The following PTPRT variants were observed in gnomAD, a reference collection of about 807,000 sequenced individuals.
The protein encoded by PTPRT is receptor-type tyrosine-protein phosphatase T.
Under a neutral mutation model 176.8 loss-of-function variants are expected in PTPRT, and 56 were observed. That is an observed-to-expected ratio of 0.32 (90% CI 0.26 to 0.40). The LOEUF is 0.40. Ranked by LOEUF, PTPRT falls within the 10% of genes least tolerant of loss-of-function variation. PTPRT has a pLI of 1.00. For missense variants in PTPRT, 1,540 were observed against 1,908.2 expected, an observed-to-expected ratio of 0.81 and a Z score of 3.60; for synonymous variants, 783 against 739.0, an observed-to-expected ratio of 1.06 and a Z score of -0.96.
chr20:42,232,293 T>C (rs1365301565), intron 15 of PTPRT, among the ~76,000 whole-genome samples: 3 of 152,218 alleles, frequency 2.0e-5, no homozygotes, highest in South Asian at 2.1e-4. Flanking sequence ...CTGATACCTA[T>C]GAGGAGGGTA....
At chr20:42,586,577 G>C (rs372737336) in intron 7 of PTPRT, among the ~76,000 whole-genome samples, 5 of 152,222 alleles carry the variant, frequency 3.3e-5, no homozygotes, top group African/African-American at 1.2e-4. Context: ...CTCAACATGT[G>C]ATCCAGATAA....
At chr20:42,996,288 C>A (rs1489117363) in intron 1 of PTPRT, among the ~76,000 whole-genome samples, 1 of 152,162 alleles carries the variant, frequency 6.6e-6, no homozygotes, top group Non-Finnish European at 1.5e-5. Context: ...AGCTGAAGTA[C>A]CCACATGTTA....
intron 16 of PTPRT, among the ~76,000 whole-genome samples, chr20:42,190,112 A>AG (rs1990937218): frequency 6.7e-6 from 1 of 149,236 alleles, no homozygotes; most frequent in African/African-American, 2.5e-5. Flanking sequence ...ATAAAACTGG[A>AG]GGGGGCAAGC....
intron 12 of PTPRT, among the ~76,000 whole-genome samples, chr20:42,292,512 CA>C (rs1185086106): frequency 1.3e-5 from 2 of 152,032 alleles, no homozygotes; most frequent in African/African-American, 4.8e-5. Context: ...GTGGATACGA[CA>C]ATGTCCATTT....
In PTPRT at chr20:42,169,724, G is replaced by A. The variant is rs556092779; in HGVS notation, c.2492-8182C>T. Among the ~76,000 whole-genome samples, 7 of 143,574 alleles carry A rather than the reference G, an allele frequency of 4.9e-5. No homozygotes were observed. The South Asian group carries it at 1.1e-3, about 23-fold the overall frequency. The allele number at this position is 143,574 out of a possible 152,430, so 94.2% of individuals were successfully genotyped here. A position where few individuals can be genotyped will look rare whatever the true frequency, so the allele number is the denominator to read the frequency against. ...TAAGGAAAGTGATAGCCTGGATACC[G>A]TGAAAAGTACAATTTTCAAACACAC... On this transcript the variant is annotated intron_variant, in intron 16 of 30. Transcript: ENST00000373187.
chr20:43,165,828 A>T (rs1425714596), intron 1 of PTPRT, among the ~76,000 whole-genome samples: 1 of 152,186 alleles, frequency 6.6e-6, no homozygotes, highest in Non-Finnish European at 1.5e-5. Context: ...CTTGAAAAAA[A>T]TGTGTCAACA....
intron 27 of PTPRT, among the ~76,000 whole-genome samples, chr20:42,086,368 T>C (rs370521044): frequency 8.5e-5 from 13 of 152,174 alleles, no homozygotes; most frequent in African/African-American, 2.7e-4. Context: ...ATATCAAGGC[T>C]TTGAGCACAG....
intron 13 of PTPRT, among the ~76,000 whole-genome samples, chr20:42,265,716 T>C (rs556390844): frequency 6.6e-6 from 1 of 152,196 alleles, no homozygotes; most frequent in East Asian, 1.9e-4. Flanking sequence ...GGGCACATGC[T>C]CCCTTGGAGG....
intron 15 of PTPRT, among the ~76,000 whole-genome samples, chr20:42,230,487 A>G (rs6030072): frequency 0.42 from 63,973 of 152,062 alleles, 13,680 homozygotes; most frequent in African/African-American, 0.48. Context: ...AACACTGAAC[A>G]ACTGAAGTTG....
intron 9 of PTPRT, among the ~76,000 whole-genome samples, chr20:42,390,748 C>T (rs1763492606): frequency 6.6e-6 from 1 of 152,070 alleles, no homozygotes; most frequent in African/African-American, 2.4e-5. Flanking sequence ...TAAGAGAGAC[C>T]CTGGGCCAGA....
intron 12 of PTPRT, among the ~76,000 whole-genome samples, chr20:42,295,572 T>A (rs2145284333): frequency 6.6e-6 from 1 of 152,148 alleles, no homozygotes; most frequent in Non-Finnish European, 1.5e-5. Context: ...AGGGGTTGGA[T>A]GAAAGTAGGA....
intron 2 of PTPRT, among the ~76,000 whole-genome samples, chr20:42,864,247 G>A (rs964344058): frequency 2.6e-5 from 4 of 152,134 alleles, no homozygotes; most frequent in Admixed American, 1.3e-4. Flanking sequence ...CAATATAAGG[G>A]GCCTCAGGTC....
chr20:42,229,182 T>C (rs1414179788), intron 15 of PTPRT, among the ~76,000 whole-genome samples: 1 of 152,106 alleles, frequency 6.6e-6, no homozygotes, highest in Admixed American at 6.6e-5. Flanking sequence ...AAAATAAGAA[T>C]CTGAGATACT....
intron 1 of PTPRT, among the ~76,000 whole-genome samples, chr20:43,009,315 A>T (rs1184117062): frequency 6.6e-6 from 1 of 152,180 alleles, no homozygotes; most frequent in African/African-American, 2.4e-5. Context: ...GCCCTGTGAG[A>T]GAATCTGAAA....
chr20:42,828,737 T>C (rs955158715), intron 2 of PTPRT, among the ~76,000 whole-genome samples: 3 of 152,158 alleles, frequency 2.0e-5, no homozygotes, highest in Non-Finnish European at 2.9e-5. Context: ...CCATGTGGTG[T>C]TGAGCCTGAG....
At chr20:43,014,438 C>T (rs1985281358) in intron 1 of PTPRT, among the ~76,000 whole-genome samples, 1 of 152,154 alleles carries the variant, frequency 6.6e-6, no homozygotes, top group South Asian at 2.1e-4. Flanking sequence ...TGCTGCCACA[C>T]GCACATCAAA....
At chr20:43,096,724 C>A (rs992972643) in intron 1 of PTPRT, among the ~76,000 whole-genome samples, 1 of 152,212 alleles carries the variant, frequency 6.6e-6, no homozygotes, top group South Asian at 2.1e-4. Context: ...AAGGGCCTGG[C>A]TGGAGAGGGC....
chr20:42,608,156 T>C (rs1214587739), intron 7 of PTPRT, among the ~76,000 whole-genome samples: 4 of 152,186 alleles, frequency 2.6e-5, no homozygotes, highest in Admixed American at 2.6e-4. Flanking sequence ...ACTCTGCATC[T>C]GGCACCTCAT....
At chr20:43,125,590 T>C (rs1344165816) in intron 1 of PTPRT, among the ~76,000 whole-genome samples, 1 of 152,220 alleles carries the variant, frequency 6.6e-6, no homozygotes, top group African/African-American at 2.4e-5. Flanking sequence ...ATTTTAATTT[T>C]GATGTGATAA....
Sources: allele counts gnomAD v4.1 joint callset (sites outside exome capture counted in the v4.1 genomes callset), GRCh38; gene constraint gnomAD v4.1.1; transcripts MANE v1.5; gene names NCBI Gene and HGNC (gene_info 2026-07-23, HGNC 2026-07-21).